SAA2: variants seen among roughly 807,000 people sequenced by gnomAD.
SAA2 encodes the protein serum amyloid A-2 protein.
In SAA2, 5 loss-of-function variants were observed where a neutral mutation model predicts 9.1. That is an observed-to-expected ratio of 0.55 (90% CI 0.29 to 1.16). The LOEUF (loss-of-function observed/expected upper bound fraction) is 1.16. SAA2 is among the 50% of genes most tolerant of loss of function. The pLI is 0.09. For synonymous variants in SAA2, 49 were observed against 59.8 expected, an observed-to-expected ratio of 0.82 and a Z score of 0.83; for missense variants, 94 against 153.8, an observed-to-expected ratio of 0.61 and a Z score of 2.06.
rs1404329457 is a variant in SAA2, at chr11:18,240,039, A to C, written c.231-70T>G. On this transcript the variant is annotated intron_variant, in intron 3 of 3. Coordinates refer to the SAA2 transcript ENST00000414546. Reference sequence around the variant, plus strand: ...TTTAACATGCAAGGGGGAAAATCACAGGAGGGTGATTTCCCAATAACCCAA... The same window carrying C: ...TTTAACATGCAAGGGGGAAAATCACCGGAGGGTGATTTCCCAATAACCCAA... 2.6e-6 allele frequency: 4 copies of C among 1,534,810 alleles called. No homozygotes were observed. The African/African-American group carries it at 4.1e-5, about 16-fold the overall frequency.
exon 4 of SAA2, chr11:18,239,808 G>C: frequency 9.7e-7 from 1 of 1,029,932 alleles, no homozygotes; most frequent in Non-Finnish European, 1.4e-6. Context: ...CACATGCTGA[G>C]GGAGCTCATC....
chr11:18,239,681 T>C (rs1857287787), exon 4 of SAA2: 2 of 424,514 alleles, frequency 4.7e-6, no homozygotes, highest in Non-Finnish European at 8.3e-6. Context: ...CTAGTTTTCC[T>C]CCTTTCCCAA....
At chr11:18,243,225 C>T (rs1432628336), downstream of SAA2, among the ~76,000 whole-genome samples, 2 of 152,046 alleles carry the variant, frequency 1.3e-5, no homozygotes, top group African/African-American at 4.8e-5. Context: ...AATGTTGCTT[C>T]AGTTAATTAT....
At chr11:18,239,989 A>G (rs1002351085) in intron 3 of SAA2, 1 of 1,550,548 alleles carries the variant, frequency 6.4e-7, no homozygotes, top group Admixed American at 2.0e-5. Context: ...GCAGATTAAT[A>G]GGAGAAAAAG....
At chr11:18,241,771 C>T (rs551727889), downstream of SAA2, among the ~76,000 whole-genome samples, 63 of 152,032 alleles carry the variant, frequency 4.1e-4, no homozygotes, top group African/African-American at 1.3e-3. Context: ...AGAAGGGGGC[C>T]GAGGATTGAG....
In SAA2 at chr11:18,240,052, C is replaced by T. The variant is rs190627184; in HGVS notation, c.231-83G>A. The T allele has an allele frequency of 2.1e-4, 317 of 1,492,700 alleles. 2 individuals are homozygous for T. In the African/African-American group the frequency reaches 3.8e-3, roughly 18 times the overall value. 92.5% of individuals were successfully genotyped at this position (1,492,700 alleles called of 1,614,324 possible). On this transcript the variant is annotated intron_variant, in intron 3 of 3. Transcript: ENST00000414546. Reference sequence around the variant, plus strand: ...GGGGAAAATCACAGGAGGGTGATTTCCCAATAACCCAATGGGGTACCGGTG... The same window carrying T: ...GGGGAAAATCACAGGAGGGTGATTTTCCAATAACCCAATGGGGTACCGGTG...
chr11:18,240,907 A>T (rs1268360704), downstream of SAA2, among the ~76,000 whole-genome samples: 1 of 152,192 alleles, frequency 6.6e-6, no homozygotes, highest in South Asian at 2.1e-4. Flanking sequence ...ACAACAAAAG[A>T]AATAGCCAAC....
chr11:18,244,124 G>A (rs769626031), downstream of SAA2, among the ~76,000 whole-genome samples: 1 of 152,234 alleles, frequency 6.6e-6, no homozygotes, highest in African/African-American at 2.4e-5. Context: ...TGGCACCTCA[G>A]TAGGATGTCC....
downstream of SAA2, among the ~76,000 whole-genome samples, chr11:18,239,031 C>G (rs574815700): frequency 1.4e-4 from 22 of 152,252 alleles, no homozygotes; most frequent in African/African-American, 5.1e-4. Flanking sequence ...CATGGATTCA[C>G]CAGATAATGT....
At chr11:18,244,420 TTA>T (rs1180492824), downstream of SAA2, among the ~76,000 whole-genome samples, 1 of 152,230 alleles carries the variant, frequency 6.6e-6, no homozygotes, top group African/African-American at 2.4e-5. Context: ...AATGGAGTTC[TTA>T]TATGTCAGTT....
At chr11:18,245,647 A>T (rs978596272) in intron 3 of SAA2, 132 bp from the exon 4 acceptor site, 4 of 1,396,252 alleles carry the variant, frequency 2.9e-6, no homozygotes, top group African/African-American at 1.4e-5. Context: ...GAGTGAAAAC[A>T]CTGACCCTGC....
At chr11:18,239,363 C>T (rs1857278955) in exon 4 of SAA2, 4 of 205,232 alleles carry the variant, frequency 1.9e-5, no homozygotes, top group Non-Finnish European at 3.9e-5. Context: ...GCCCTCATTA[C>T]TTTTTTTTCA....
chr11:18,240,158 G>A, intron 3 of SAA2: 1 of 756,882 alleles, frequency 1.3e-6, no homozygotes, highest in Non-Finnish European at 2.3e-6. Flanking sequence ...TTATTAGGAA[G>A]AATGAGTGGA....
downstream of SAA2, chr11:18,240,364 A>T (rs1407875226): frequency 2.9e-6 from 2 of 697,820 alleles, no homozygotes; most frequent in African/African-American, 3.5e-5. Context: ...TAAGGCAGAT[A>T]AAAGAAGAGC....
chr11:18,247,651 G>A (rs1485637654), intron 2 of SAA2, among the ~76,000 whole-genome samples: 1 of 145,044 alleles, frequency 6.9e-6, no homozygotes, highest in Non-Finnish European at 1.5e-5. Flanking sequence ...ATGTGTTTTT[G>A]ATACACCTTG....
Position 18,248,665 on chromosome 11 carries a change from T to C in SAA2, c.-67A>G, listed in dbSNP as rs899470496. 1.8e-4 allele frequency: 28 copies of C among 153,270 alleles called. No homozygotes were observed. Among genetic ancestry groups the C allele is most frequent in the African/African-American group, 5.8e-4 (24 of 41,470 alleles). The allele number at this position is 153,270 out of a possible 1,614,324, so 9.5% of individuals were successfully genotyped here. The stretch of plus-strand genomic sequence containing the variant: ...GCCAGGGAGAGGTGGCTGCTATTTA[T>C]AGTGAGCCTTGCTGGTCTCTTGGGA... On this transcript the variant is annotated 5_prime_UTR_variant, in exon 1 of 4. Coordinates refer to ENST00000256733, the MANE Select transcript of SAA2 (RefSeq NM_030754.5).
intron 3 of SAA2, 85 bp downstream of exon 3, chr11:18,245,825 C>G (rs1857501967): frequency 6.7e-7 from 1 of 1,492,156 alleles, no homozygotes; most frequent in Non-Finnish European, 9.0e-7. Context: ...TCTAACTTCT[C>G]CACAAGGAGC....
At chr11:18,238,337 T>G (rs1357453305), downstream of SAA2, among the ~76,000 whole-genome samples, 1 of 152,204 alleles carries the variant, frequency 6.6e-6, no homozygotes, top group African/African-American at 2.4e-5. Context: ...CAAATATTTT[T>G]CCCAGCTTAT....
chr11:18,247,887 C>T (rs758555059), intron 2 of SAA2, 34 bp downstream of exon 2: 12 of 1,613,762 alleles, frequency 7.4e-6, no homozygotes, highest in Admixed American at 5.0e-5. Context: ...CGATGTTTCT[C>T]TTCAGAAATC....
Sources: allele counts gnomAD v4.1 joint callset (sites outside exome capture counted in the v4.1 genomes callset), GRCh38; gene constraint gnomAD v4.1.1; transcripts MANE v1.5; gene names NCBI Gene and HGNC (gene_info 2026-07-23, HGNC 2026-07-21).